Variants in MMAB observed in about 807,000 individuals in gnomAD.
MMAB encodes the protein corrinoid adenosyltransferase MMAB.
In MMAB, 17 loss-of-function variants were observed where a neutral mutation model predicts 30.6. The ratio of observed to expected loss-of-function variants is 0.56; its 90% CI spans 0.38 to 0.83. The LOEUF (loss-of-function observed/expected upper bound fraction) is 0.83, where lower values mean the gene tolerates loss of function less well. Among genes scored for constraint, MMAB ranks in the 40% least tolerant of loss-of-function variants. The pLI, the probability that MMAB is intolerant of heterozygous loss-of-function variation, is 0.00. For synonymous variants in MMAB, 134 were observed against 138.6 expected, an observed-to-expected ratio of 0.97 and a Z score of 0.23; for missense variants, 311 against 331.6, an observed-to-expected ratio of 0.94 and a Z score of 0.48.
Position 109,561,664 on chromosome 12 carries a change from G to T in MMAB, c.421+116C>A. On this transcript the variant is annotated intron_variant, in intron 5 of 8. Coordinates refer to ENST00000545712, the MANE Select transcript of MMAB (RefSeq NM_052845.4). This position sits in a 1 kb window ranked among gnomAD's most constrained non-coding sequence, Gnocchi z 5.3. The stretch of plus-strand genomic sequence containing the variant: ...GTACCTTCCCTCCCAGGAGCTACGA[G>T]CAAGGCTAACTGACCCACCCGTGGG... 1 of 1,228,074 alleles carries T rather than the reference G, an allele frequency of 8.1e-7. No individual in the cohort carries two copies. Among genetic ancestry groups the T allele is most frequent in the Non-Finnish European group, 1.2e-6 (1 of 857,538 alleles). 76.1% of individuals were successfully genotyped at this position (1,228,074 alleles called of 1,614,324 possible). A position where few individuals can be genotyped will look rare whatever the true frequency, so the allele number is the denominator to read the frequency against.
chr12:109,565,048 G>A (rs375584313), intron 4 of MMAB, 71 bp downstream of exon 4: 29 of 1,132,380 alleles, frequency 2.6e-5, no homozygotes, highest in Non-Finnish European at 3.5e-5. Context: ...GTAACTGGTG[G>A]CTGGATGCTG....
At position 109,559,116 on chromosome 12, in the gene MMAB, G is replaced by A. The variant is rs146687452; in HGVS notation, c.624C>T (p.Asn208=). ...AGTACCTGTTTAAGAACTTGGCCAC[G>A]TTCGCATCGGTCTCTCCCATCTGGA... ...PLVQMGETDA[N]VAKFLNRLSD... is the part of the protein sequence containing the mutation. Residue 208 remains asparagine, a synonymous_variant, in exon 8 of 9, where the codon AAC becomes AAT. Transcript: ENST00000545712. The A allele has an allele frequency of 2.4e-4, 392 of 1,613,800 alleles. No homozygotes were observed. In the African/African-American group the frequency reaches 4.6e-3, roughly 19 times the overall value.
intron 7 of MMAB, among the ~76,000 whole-genome samples, chr12:109,560,485 G>C (rs1025897442): frequency 2.6e-5 from 4 of 152,204 alleles, no homozygotes; most frequent in African/African-American, 9.7e-5. Context: ...GAGTGGTGTA[G>C]ATAGAGACTT....
intron 4 of MMAB, among the ~76,000 whole-genome samples, chr12:109,563,384 T>G (rs897727714): frequency 6.6e-6 from 1 of 152,180 alleles, no homozygotes; most frequent in Admixed American, 6.5e-5. Flanking sequence ...ATGGGTGATA[T>G]GAGGAAAGCA....
chr12:109,564,961 C>T (rs978020581), intron 4 of MMAB, 158 bp downstream of exon 4: 8 of 763,396 alleles, frequency 1.0e-5, no homozygotes, highest in Non-Finnish European at 1.7e-5. Context: ...AGCCACCATA[C>T]CTGGCCTGTC....
intron 7 of MMAB, among the ~76,000 whole-genome samples, 178 bp downstream of exon 7, chr12:109,560,862 G>A (rs1040955617): frequency 1.4e-4 from 22 of 152,192 alleles, no homozygotes; most frequent in African/African-American, 4.8e-4. Flanking sequence ...GCCCAGACAA[G>A]GTCTGTTGAT....
At chr12:109,559,304 TCA>T in intron 7 of MMAB, 149 bp from the exon 8 acceptor site, 1 of 710,824 alleles carries the variant, frequency 1.4e-6, no homozygotes, top group Admixed American at 2.0e-5. Context: ...GACAAATCCA[TCA>T]CAGGTGGGTT....
chr12:109,560,730 C>A (rs1884160174), intron 7 of MMAB, among the ~76,000 whole-genome samples: 1 of 152,200 alleles, frequency 6.6e-6, no homozygotes, highest in Non-Finnish European at 1.5e-5. Context: ...GGCTCACAAA[C>A]AAGGTGCAAT....
chr12:109,557,208 A>T (rs1884011575), intron 8 of MMAB, 72 bp from the exon 9 acceptor site: 1 of 1,007,068 alleles, frequency 9.9e-7, no homozygotes, highest in Admixed American at 1.7e-5. Flanking sequence ...GGGTCTTCCC[A>T]TATCCGCCTA....
At chr12:109,568,303 A>C (rs1421559803) in intron 3 of MMAB, 1 of 190,814 alleles carries the variant, frequency 5.2e-6, no homozygotes, top group African/African-American at 2.4e-5. Context: ...TTGGTGTCAT[A>C]AGTCAGGAGA....
intron 3 of MMAB, chr12:109,567,170 C>G: frequency 9.0e-6 from 3 of 332,798 alleles, no homozygotes; most frequent in Non-Finnish European, 1.8e-5. Flanking sequence ...AACTCCGTCT[C>G]GGAAAAAAAA....
chr12:109,567,114 G>A lies in MMAB; in HGVS notation c.290+1656C>T, dbSNP rs138623643. On this transcript the variant is annotated intron_variant, in intron 3 of 8. Transcript: ENST00000545712. ...GAACCCGGGAGGCAGAGGTTGCAGT[G>A]AGCCGAGATCACACCATTGCACTCC... The A allele has an allele frequency of 1.2e-3, 511 of 439,074 alleles. 4 individuals carry two copies. The highest frequency in any genetic ancestry group is 0.01 in the African/African-American group (485 of 48,046). The allele number at this position is 439,074 out of a possible 1,614,324, so 27.2% of individuals were successfully genotyped here.
chr12:109,558,809 G>A lies in MMAB; in HGVS notation c.644+287C>T, dbSNP rs536719108. Among the ~76,000 whole-genome samples, 6 of 151,280 alleles carry A rather than the reference G, an allele frequency of 4.0e-5. No individual in the cohort carries two copies. The highest frequency in any genetic ancestry group is 3.9e-4 in the East Asian group (2 of 5,076). ...GCCTCTAAGAACGCCCTTTGCCCCCGCAATGCCACTTTGCACTTAGGTTTT... is the reference window on the plus strand; with the variant it reads ...GCCTCTAAGAACGCCCTTTGCCCCCACAATGCCACTTTGCACTTAGGTTTT... On this transcript the variant is annotated intron_variant, in intron 8 of 8. Transcript: ENST00000545712. The surrounding 1 kb of genome is among the most constrained non-coding windows in gnomAD (Gnocchi z 4.3).
At position 109,555,594 on chromosome 12, in the gene MMAB, G is replaced by A. The variant is rs183383184; in HGVS notation, c.*1434C>T. On this transcript the variant is annotated 3_prime_UTR_variant, in exon 9 of 9. Transcript: ENST00000545712. ...CTCTGTTTTGCAAACACTGAGCACC[G>A]ACTCCGTACCAGACCTGGTAGTGAC... is the stretch of plus-strand genomic sequence containing the variant. 21 of 451,240 alleles carry A rather than the reference G, an allele frequency of 4.7e-5. No individual in the cohort carries two copies. Among genetic ancestry groups the A allele is most frequent in the African/African-American group, 1.2e-4 (6 of 49,616 alleles). The allele number at this position is 451,240 out of a possible 1,614,324, so 28.0% of individuals were successfully genotyped here.
Position 109,558,988 on chromosome 12 carries a change from G to T in MMAB, c.644+108C>A. On this transcript the variant is annotated intron_variant, in intron 8 of 8. Coordinates refer to ENST00000545712, the MANE Select transcript of MMAB (RefSeq NM_052845.4). This position sits in a 1 kb window ranked among gnomAD's most constrained non-coding sequence, Gnocchi z 4.3. ...TAAACACTAAGGGAATGAAGGAGGG[G>T]GTGCGGGAATGCTGCCCCACACTGC... The T allele has an allele frequency of 1.3e-6, 1 of 795,398 alleles. No individual in the cohort carries two copies. The highest frequency in any genetic ancestry group is 1.4e-5 in the South Asian group (1 of 70,388). 49.3% of individuals were successfully genotyped at this position (795,398 alleles called of 1,614,324 possible). A position where few individuals can be genotyped will look rare whatever the true frequency, so the allele number is the denominator to read the frequency against.
chr12:109,559,933 GGT>G lies in MMAB; in HGVS notation c.585-780_585-779del, dbSNP rs143647657. 8.8e-3 allele frequency among the ~76,000 whole-genome samples: 1,340 copies of G among 152,326 alleles called. 21 individuals carry two copies. The highest frequency in any genetic ancestry group is 0.031 in the African/African-American group (1,272 of 41,564). On this transcript the variant is annotated intron_variant, in intron 7 of 8. Coordinates refer to ENST00000545712, the MANE Select transcript of MMAB (RefSeq NM_052845.4). ...GAGCTTCCTCACCCGAGGTGCCCCA[GGT>G]GTGTGTCCCCACCTCAGGACAATCT...
At chr12:109,565,090 C>G in intron 4 of MMAB, 29 bp downstream of exon 4, 1 of 1,601,310 alleles carries the variant, frequency 6.2e-7, no homozygotes, top group South Asian at 1.1e-5. Flanking sequence ...GCTGAAGATT[C>G]CCAGCTTGGG....
chr12:109,557,236 T>C, intron 8 of MMAB, 100 bp from the exon 9 acceptor site: 1 of 843,934 alleles, frequency 1.2e-6, no homozygotes. Flanking sequence ...GAGATATAAA[T>C]GACGCACTCT....
chr12:109,573,190 C>T, intron 1 of MMAB, 157 bp downstream of exon 1: 2 of 916,232 alleles, frequency 2.2e-6, no homozygotes, highest in Non-Finnish European at 3.4e-6. Flanking sequence ...TGGTCTCTGG[C>T]GCCCACGTGG....
Sources: gnomAD v4.1 joint callset for allele counts (sites outside exome capture counted in the v4.1 genomes callset) on GRCh38, gnomAD v4.1.1 for gene constraint, Gnocchi (gnomAD v3.1) non-coding constraint, MANE v1.5 for transcripts, NCBI Gene and HGNC (gene_info 2026-07-23, HGNC 2026-07-21) for gene names.